Variants in GSE1 observed in about 807,000 individuals in gnomAD.
GSE1 encodes Gse1 coiled-coil protein.
In GSE1, 32 loss-of-function variants were observed where a neutral mutation model predicts 112.6. That is an observed-to-expected ratio of 0.28 (90% confidence interval 0.21 to 0.38). GSE1 has a LOEUF of 0.38. Among genes scored for constraint, GSE1 ranks in the 10% least tolerant of loss-of-function variants. The probability of loss-of-function intolerance (pLI) is 1.00; values close to 1 mark genes in which losing one functional copy is unlikely to be tolerated. For missense variants in GSE1, 2,348 were observed against 1,699.2 expected (o/e 1.38, Z -6.71); for synonymous variants, 1,115 against 735.6 (o/e 1.52, Z -8.35).
intron 1 of GSE1, among the ~76,000 whole-genome samples, chr16:85,195,212 G>C (rs12927362): frequency 0.086 from 13,162 of 152,244 alleles, 825 homozygotes; most frequent in African/African-American, 0.17. Context: ...AGAGGAGCTT[G>C]AGCTCCATTC....
chr16:85,207,191 C>A (rs1306138487), intron 1 of GSE1, among the ~76,000 whole-genome samples: 6 of 152,188 alleles, frequency 3.9e-5, no homozygotes, highest in Non-Finnish European at 8.8e-5. Context: ...TCTGGGACCC[C>A]CCCGTCCTCC....
intron 2 of GSE1, among the ~76,000 whole-genome samples, chr16:85,433,522 T>G (rs2049169622): frequency 1.3e-5 from 2 of 152,164 alleles, no homozygotes; most frequent in African/African-American, 4.8e-5. Flanking sequence ...CCCTGCTGTT[T>G]GGCATTGGTG....
Position 85,478,903 on chromosome 16 carries a change from C to CCTTCT in GSE1, c.2464+121260_2464+121261insCTTCT, listed in dbSNP as rs2050567244. On this transcript the variant is annotated intron_variant, in intron 2 of 2. Transcript: ENST00000637419. Reference sequence around the variant, plus strand: ...TCTTTCTTTCTTTCTTTCTTTCTTTCTTTCTTTCTTTCTTTCTTTCTTTCT... The same window carrying CCTTCT: ...TCTTTCTTTCTTTCTTTCTTTCTTTCCTTCTTTTCTTTCTTTCTTTCTTTCTTTCT... 5.9e-5 allele frequency among the ~76,000 whole-genome samples: 4 copies of CCTTCT among 67,532 alleles called. 1 individual carries two copies. Among genetic ancestry groups the CCTTCT allele is most frequent in the African/African-American group, 2.1e-4 (3 of 14,226 alleles). The allele number at this position is 67,532 out of a possible 152,430, so 44.3% of individuals were successfully genotyped here.
intron 2 of GSE1, among the ~76,000 whole-genome samples, chr16:85,550,785 G>A (rs765087287): frequency 2.0e-5 from 3 of 152,214 alleles, no homozygotes; most frequent in Non-Finnish European, 4.4e-5. Context: ...CCGCTAGAGG[G>A]AGTCTGGGGA....
intron 2 of GSE1, among the ~76,000 whole-genome samples, chr16:85,418,533 A>G (rs764685277): frequency 5.3e-5 from 8 of 152,220 alleles, no homozygotes; most frequent in Non-Finnish European, 8.8e-5. Flanking sequence ...CCTGCTCAGG[A>G]ACAGGCACAC....
chr16:85,649,464 G>A (rs1457655431), intron 3 of GSE1, among the ~76,000 whole-genome samples: 5 of 152,132 alleles, frequency 3.3e-5, no homozygotes, highest in Non-Finnish European at 7.3e-5. Context: ...CTTACTTTTG[G>A]GGCTCCCAGC....
chr16:85,538,494 C>T (rs989078905), intron 2 of GSE1, among the ~76,000 whole-genome samples: 1 of 152,192 alleles, frequency 6.6e-6, no homozygotes. Flanking sequence ...TGGCATGTAC[C>T]GTCTTGTCGC....
At chr16:85,505,011 A>G (rs1284516743) in intron 2 of GSE1, among the ~76,000 whole-genome samples, 1 of 102,290 alleles carries the variant, frequency 9.8e-6, no homozygotes, top group East Asian at 3.3e-4. Context: ...ACATGTGCAC[A>G]CACATGTGCA....
At chr16:85,497,424 C>T (rs1026556960) in intron 2 of GSE1, among the ~76,000 whole-genome samples, 1 of 152,220 alleles carries the variant, frequency 6.6e-6, no homozygotes, top group Admixed American at 6.5e-5. Context: ...TAGAGCCCTC[C>T]AGGGGCCCAC....
intron 2 of GSE1, among the ~76,000 whole-genome samples, chr16:85,430,910 G>A (rs1597732481): frequency 6.6e-6 from 1 of 152,186 alleles, no homozygotes. Flanking sequence ...GGGAGCCTGC[G>A]TTCCCACCCA....
intron 1 of GSE1, among the ~76,000 whole-genome samples, chr16:85,213,249 C>T (rs1423226189): frequency 2.1e-5 from 3 of 140,594 alleles, no homozygotes; most frequent in Non-Finnish European, 3.0e-5. Flanking sequence ...AGCCTGGCAA[C>T]AGAGCAAGAC....
rs577999990 is a variant in GSE1, at chr16:85,455,707, G to T, written c.2464+98064G>T. On this transcript the variant is annotated intron_variant, in intron 2 of 2. Coordinates refer to the GSE1 transcript ENST00000637419. ...CTGCCTCCCCCGCACGAGACTTCAG[G>T]TGGCCAAGACTTCCCACATTGGGGA... 2.2e-3 allele frequency among the ~76,000 whole-genome samples: 338 copies of T among 152,374 alleles called. 1 individual carries two copies. The highest frequency in any genetic ancestry group is 0.013 in the South Asian group (64 of 4,832).
At chr16:85,252,002 A>G (rs1906536750) in intron 1 of GSE1, among the ~76,000 whole-genome samples, 1 of 152,222 alleles carries the variant, frequency 6.6e-6, no homozygotes, top group Non-Finnish European at 1.5e-5. Flanking sequence ...AAACGGAGGC[A>G]TAGAGAGGTG....
chr16:85,545,513 G>T (rs1431216945), intron 2 of GSE1, among the ~76,000 whole-genome samples: 1 of 152,074 alleles, frequency 6.6e-6, no homozygotes, highest in Non-Finnish European at 1.5e-5. Flanking sequence ...AAAATACAGG[G>T]CCTGGCTTCC....
At chr16:85,213,731 C>T (rs1242676096) in intron 1 of GSE1, among the ~76,000 whole-genome samples, 1 of 152,236 alleles carries the variant, frequency 6.6e-6, no homozygotes, top group Non-Finnish European at 1.5e-5. Context: ...TTGCAGGGAC[C>T]ACATGACCTT....
At chr16:85,371,104 C>T (rs953103126) in intron 2 of GSE1, among the ~76,000 whole-genome samples, 1 of 152,224 alleles carries the variant, frequency 6.6e-6, no homozygotes, top group Admixed American at 6.5e-5. Flanking sequence ...GTCCTCTTCT[C>T]CTCCCACCCT....
intron 1 of GSE1, among the ~76,000 whole-genome samples, chr16:85,192,958 G>A (rs1597765626): frequency 6.6e-6 from 1 of 152,230 alleles, no homozygotes; most frequent in Admixed American, 6.5e-5. Flanking sequence ...GCCCAACCTG[G>A]CGTCTGGCCG....
chr16:85,258,670 C>T (rs866650474), intron 1 of GSE1, among the ~76,000 whole-genome samples: 2 of 152,090 alleles, frequency 1.3e-5, no homozygotes, highest in South Asian at 2.1e-4. Flanking sequence ...TCAAAGCGGT[C>T]GGGCCTGGAG....
At chr16:85,476,467 C>T (rs1597875007) in intron 2 of GSE1, among the ~76,000 whole-genome samples, 2 of 152,210 alleles carry the variant, frequency 1.3e-5, no homozygotes, top group South Asian at 2.1e-4. Context: ...CTGCTTTAAA[C>T]TCCGTGTATC....
Sources: allele counts gnomAD v4.1 joint callset (sites outside exome capture counted in the v4.1 genomes callset), GRCh38; gene constraint gnomAD v4.1.1; transcripts MANE v1.5; gene names NCBI Gene and HGNC (gene_info 2026-07-23, HGNC 2026-07-21).